The following PCDHA7 variants were observed in gnomAD, a reference collection of about 807,000 sequenced individuals.
PCDHA7 encodes the protein protocadherin alpha-7.
PCDHA7 carries 37 observed loss-of-function variants against 57.2 expected under a neutral mutation model. The observed-to-expected ratio is 0.65, with a 90% confidence interval of 0.50 to 0.85. The LOEUF is 0.85. Among genes scored for constraint, PCDHA7 ranks in the 40% least tolerant of loss-of-function variants. PCDHA7 has a pLI of 0.00. For synonymous variants in PCDHA7, 553 were observed against 558.8 expected (o/e 0.99, Z 0.15); for missense variants, 1,188 against 1,241.8 (o/e 0.96, Z 0.65).
chr5:140,911,778 A>G (rs2075636196), intron 1 of PCDHA7, among the ~76,000 whole-genome samples: 1 of 152,228 alleles, frequency 6.6e-6, no homozygotes, highest in Admixed American at 6.5e-5. Flanking sequence ...TACAGTCCTT[A>G]GCATTTTTGG....
intron 3 of PCDHA7, among the ~76,000 whole-genome samples, chr5:140,994,520 T>C (rs2097631658): frequency 6.8e-6 from 1 of 147,840 alleles, no homozygotes; most frequent in African/African-American, 2.6e-5. Context: ...CTGGGCAACA[T>C]GGCAAAACCC....
At chr5:140,984,132 G>A (rs1395953013) in intron 3 of PCDHA7, among the ~76,000 whole-genome samples, 1 of 152,240 alleles carries the variant, frequency 6.6e-6, no homozygotes, top group African/African-American at 2.4e-5. Context: ...GTTGCAGGAT[G>A]TGGAGGCATC....
chr5:140,841,575 T>C (rs1220947138), intron 1 of PCDHA7: 1 of 1,613,812 alleles, frequency 6.2e-7, no homozygotes, highest in Non-Finnish European at 8.5e-7. Flanking sequence ...GGCATTTTGT[T>C]TGTGAATTCT....
chr5:140,849,568 C>T (rs2040965455), intron 1 of PCDHA7: 1 of 1,598,504 alleles, frequency 6.3e-7, no homozygotes, highest in Non-Finnish European at 8.6e-7. Context: ...CTCTCGGTTC[C>T]TGTAAAAGAG....
chr5:140,967,073 G>T, intron 1 of PCDHA7: 1 of 1,613,160 alleles, frequency 6.2e-7, no homozygotes, highest in Non-Finnish European at 8.5e-7. Flanking sequence ...CTTCGTCAAC[G>T]AGCGCATTGA....
chr5:140,882,357 A>G lies in PCDHA7; in HGVS notation c.2355+45619A>G, dbSNP rs1010659037. On this transcript the variant is annotated intron_variant, in intron 1 of 3. Transcript: ENST00000525929. Reference sequence around the variant, plus strand: ...GCAGCCTGGGAGACGGGTAGTGGCCAGCTCCACTACTCCGTCCCCGAGGAA... The same window carrying G: ...GCAGCCTGGGAGACGGGTAGTGGCCGGCTCCACTACTCCGTCCCCGAGGAA... 22 of 1,614,084 alleles carry G rather than the reference A, an allele frequency of 1.4e-5. No individual in the cohort carries two copies. In the Admixed American group the frequency reaches 2.5e-4, roughly 18 times the overall value.
In PCDHA7 at chr5:140,863,566, A is replaced by G. The variant is rs1390955253; in HGVS notation, c.2355+26828A>G. The G allele has an allele frequency of 2.9e-5, 11 of 373,988 alleles. No individual in the cohort carries two copies. In the East Asian group the frequency reaches 4.0e-4, roughly 13 times the overall value. The allele number at this position is 373,988 out of a possible 1,614,324, so 23.2% of individuals were successfully genotyped here. A position where few individuals can be genotyped will look rare whatever the true frequency, so the allele number is the denominator to read the frequency against. On this transcript the variant is annotated intron_variant, in intron 1 of 3. Transcript: ENST00000525929. Reference sequence around the variant, plus strand: ...ACTTCAATAGGAAATTTTTGAGAATATAAGTACTGTAATCCTGGAAAGTAT... The same window carrying G: ...ACTTCAATAGGAAATTTTTGAGAATGTAAGTACTGTAATCCTGGAAAGTAT...
intron 1 of PCDHA7, among the ~76,000 whole-genome samples, chr5:140,939,081 G>A (rs547616686): frequency 1.3e-5 from 2 of 152,222 alleles, no homozygotes; most frequent in African/African-American, 2.4e-5. Context: ...GCATAAACTG[G>A]GTGGCTTAAA....
rs369541654 is a variant in PCDHA7 at position 141,010,673 on chromosome 5, A to G, written c.*736A>G. On this transcript the variant is annotated 3_prime_UTR_variant, in exon 4 of 4. Coordinates refer to ENST00000525929, the MANE Select transcript of PCDHA7 (RefSeq NM_018910.3). ...TTTTAACAGAGAACCACCCTGGGAAACAGAAGCAGATCTGATGTGTTTCCT... is the reference window on the plus strand; with the variant it reads ...TTTTAACAGAGAACCACCCTGGGAAGCAGAAGCAGATCTGATGTGTTTCCT... 8.1e-4 allele frequency: 133 copies of G among 163,824 alleles called. No individual in the cohort carries two copies. Among genetic ancestry groups the G allele is most frequent in the Non-Finnish European group, 5.5e-4 (41 of 74,388 alleles). 10.1% of individuals were successfully genotyped at this position (163,824 alleles called of 1,614,324 possible). A position where few individuals can be genotyped will look rare whatever the true frequency, so the allele number is the denominator to read the frequency against.
rs574473083 is a variant in PCDHA7, at chr5:140,908,105, C to T, written c.2356-70844C>T. ...CAGGTGCACTGATTGAAGTTCTGTC[C>T]ACTGGGAAGATTTCCCTTCACTGCT... is the stretch of plus-strand genomic sequence containing the variant. On this transcript the variant is annotated intron_variant, in intron 1 of 3. Coordinates refer to ENST00000525929, the MANE Select transcript of PCDHA7 (RefSeq NM_018910.3). Among the ~76,000 whole-genome samples the T allele has an allele frequency of 5.3e-5, 8 of 152,304 alleles. No individual in the cohort carries two copies. In the East Asian group the frequency reaches 1.4e-3, roughly 26 times the overall value.
chr5:140,963,300 TAAG>T (rs1387833703), intron 1 of PCDHA7, among the ~76,000 whole-genome samples: 2 of 152,120 alleles, frequency 1.3e-5, no homozygotes, highest in African/African-American at 4.8e-5. Flanking sequence ...GGAGAGAAAA[TAAG>T]AAGCTGTTTG....
At chr5:140,956,314 G>C (rs1262942129) in intron 1 of PCDHA7, among the ~76,000 whole-genome samples, 2 of 152,036 alleles carry the variant, frequency 1.3e-5, no homozygotes, top group Admixed American at 6.6e-5. Context: ...ATTATTTTGA[G>C]ATATGTTCCT....
chr5:140,954,181 T>C (rs1342526768), intron 1 of PCDHA7, among the ~76,000 whole-genome samples: 1 of 152,234 alleles, frequency 6.6e-6, no homozygotes, highest in Non-Finnish European at 1.5e-5. Flanking sequence ...ATCCAGTCTA[T>C]CATTGATGGG....
intron 1 of PCDHA7, chr5:140,842,909 C>G: frequency 6.3e-7 from 1 of 1,594,530 alleles, no homozygotes; most frequent in Non-Finnish European, 8.6e-7. Context: ...GGAGCTAGAG[C>G]TGCTGCAGTT....
At chr5:140,944,823 C>T (rs1246814273) in intron 1 of PCDHA7, among the ~76,000 whole-genome samples, 1 of 152,148 alleles carries the variant, frequency 6.6e-6, no homozygotes, top group Non-Finnish European at 1.5e-5. Context: ...ATCTTTGCCC[C>T]ATAATTGTAA....
intron 3 of PCDHA7, among the ~76,000 whole-genome samples, chr5:141,007,772 G>T (rs1384054820): frequency 6.6e-6 from 1 of 152,122 alleles, no homozygotes; most frequent in Non-Finnish European, 1.5e-5. Context: ...GCCTGGAAAT[G>T]GTACTGCTTT....
chr5:140,941,475 C>T (rs1554214513), intron 1 of PCDHA7, among the ~76,000 whole-genome samples: 1 of 151,578 alleles, frequency 6.6e-6, no homozygotes, highest in Non-Finnish European at 1.5e-5. Context: ...ACCACCACGC[C>T]TGGCTAATTT....
chr5:140,854,159 CAAAA>C (rs59855104), intron 1 of PCDHA7: 81 of 341,326 alleles, frequency 2.4e-4, no homozygotes, highest in Middle Eastern at 1.4e-3. Flanking sequence ...GATTCTGTCT[CAAAA>C]AAAAAAAAAA....
rs1047587407 is a variant in PCDHA7 at position 140,847,610 on chromosome 5, C to G, written c.2355+10872C>G. 4.0e-5 allele frequency: 6 copies of G among 149,370 alleles called. 1 individual carries two copies. The highest frequency in any genetic ancestry group is 1.5e-4 in the African/African-American group (6 of 40,758). 9.3% of individuals were successfully genotyped at this position (149,370 alleles called of 1,614,324 possible). On this transcript the variant is annotated intron_variant, in intron 1 of 3. Coordinates refer to ENST00000525929, the MANE Select transcript of PCDHA7 (RefSeq NM_018910.3). ...ATGAAATTAAAACATATTGTAATAACATTACACAAACTATATTGGAGACTA... is the reference window on the plus strand; with the variant it reads ...ATGAAATTAAAACATATTGTAATAAGATTACACAAACTATATTGGAGACTA...
Sources: gnomAD v4.1 joint callset for allele counts (sites outside exome capture counted in the v4.1 genomes callset) on GRCh38, gnomAD v4.1.1 for gene constraint, MANE v1.5 for transcripts, NCBI Gene and HGNC (gene_info 2026-07-23, HGNC 2026-07-21) for gene names.